The following TMPRSS5 variants were observed in gnomAD, a reference collection of about 807,000 sequenced individuals.
TMPRSS5 encodes transmembrane protease serine 5.
Under a neutral mutation model 59.7 loss-of-function variants are expected in TMPRSS5, and 45 were observed. The observed-to-expected ratio is 0.75, with a 90% CI of 0.59 to 0.97. TMPRSS5 has a LOEUF of 0.97. TMPRSS5 is among the 50% of genes least tolerant of loss of function. The pLI, the probability that TMPRSS5 is intolerant of heterozygous loss-of-function variation, is 0.00. For missense variants in TMPRSS5, 585 were observed against 596.7 expected, an observed-to-expected ratio of 0.98 and a Z score of 0.20; for synonymous variants, 225 against 232.0, an observed-to-expected ratio of 0.97 and a Z score of 0.27.
chr11:113,693,064 GC>G lies in TMPRSS5; in HGVS notation c.964+6del. 1 of 1,537,626 alleles carries G rather than the reference GC, an allele frequency of 6.5e-7. No homozygotes were observed. Among genetic ancestry groups the G allele is most frequent in the Non-Finnish European group, 8.8e-7 (1 of 1,137,536 alleles). On this transcript the variant is annotated splice_donor_region_variant and intron_variant, in intron 9 of 12. Coordinates refer to ENST00000299882, the MANE Select transcript of TMPRSS5 (RefSeq NM_030770.4). ...CCAGCCTGCCCACCCTCAAGCCAGT[GC>G]CGCACCTGAGAAGTTGAGAGCGGTC...
intron 1 of TMPRSS5, among the ~76,000 whole-genome samples, 176 bp downstream of exon 1, chr11:113,706,046 T>C (rs573761423): frequency 9.2e-5 from 14 of 152,234 alleles, no homozygotes; most frequent in Non-Finnish European, 1.6e-4. Flanking sequence ...TAAAGGGCAG[T>C]CCCTGGGGAG....
chr11:113,687,739 C>A lies in TMPRSS5; in HGVS notation c.*521G>T, dbSNP rs17115824. 0.023 allele frequency: 3,518 copies of A among 153,254 alleles called. 136 individuals carry two copies. Among genetic ancestry groups the A allele is most frequent in the African/African-American group, 0.079 (3,278 of 41,552 alleles). 9.5% of individuals were successfully genotyped at this position (153,254 alleles called of 1,614,324 possible). A position where few individuals can be genotyped will look rare whatever the true frequency, so the allele number is the denominator to read the frequency against. ...GGAGAGTGGAGAGGGTCCTGACTCC[C>A]ATAGGCTTCATCTGGGCTGGCCCAG... is the stretch of plus-strand genomic sequence containing the variant. On this transcript the variant is annotated 3_prime_UTR_variant, in exon 13 of 13. Transcript: ENST00000299882.
In TMPRSS5 at chr11:113,696,938, G is replaced by A. The variant is rs775431584; in HGVS notation, c.498C>T (p.Asp166=). The part of the protein sequence containing the change: ...LTHHKGVNLT[D]IKLNSSQEFA... ...ACTCCTGGGAACTGTTGAGTTTGAT[G>A]TCAGTGAGGTTTACTCCCTTGTGGT... The change falls in exon 6 of 13, where the codon GAC becomes GAT. Residue 166 remains aspartate, a synonymous_variant. Transcript: ENST00000299882. The A allele has an allele frequency of 3.2e-6, 5 of 1,580,468 alleles. No homozygotes were observed. Among genetic ancestry groups the A allele is most frequent in the Non-Finnish European group, 4.3e-6 (5 of 1,162,148 alleles).
intron 12 of TMPRSS5, 52 bp downstream of exon 12, chr11:113,689,713 G>A (rs894679316): frequency 8.3e-6 from 13 of 1,565,784 alleles, no homozygotes; most frequent in East Asian, 2.4e-5. Flanking sequence ...CCTTGCATTC[G>A]AGGGCAGGTC....
chr11:113,706,280 C>T lies in TMPRSS5; in HGVS notation c.-56G>A. 1 of 1,586,812 alleles carries T rather than the reference C, an allele frequency of 6.3e-7. No individual in the cohort carries two copies. The highest frequency in any genetic ancestry group is 1.2e-5 in the South Asian group (1 of 86,690). ...GGGTCTACTAGGCAATGTTCCGCTCCTGTTCTCAGGCCAGCATTGATTAAA... is the reference window on the plus strand; with the variant it reads ...GGGTCTACTAGGCAATGTTCCGCTCTTGTTCTCAGGCCAGCATTGATTAAA... On this transcript the variant is annotated 5_prime_UTR_variant, in exon 1 of 13. Coordinates refer to ENST00000299882, the MANE Select transcript of TMPRSS5 (RefSeq NM_030770.4).
chr11:113,700,310 C>T, intron 1 of TMPRSS5, 142 bp from the exon 2 acceptor site: 3 of 821,480 alleles, frequency 3.7e-6, no homozygotes, highest in Non-Finnish European at 5.5e-6. Flanking sequence ...TTGGAGACTC[C>T]CTGTATATTC....
intron 12 of TMPRSS5, among the ~76,000 whole-genome samples, 196 bp downstream of exon 12, chr11:113,689,569 C>T (rs1370920652): frequency 1.3e-5 from 2 of 152,160 alleles, no homozygotes; most frequent in African/African-American, 4.8e-5. Context: ...TACTCTTACC[C>T]AGTTCATCCT....
At chr11:113,706,152 G>T in intron 1 of TMPRSS5, 70 bp downstream of exon 1, 1 of 1,549,656 alleles carries the variant, frequency 6.5e-7, no homozygotes, top group East Asian at 2.4e-5. Context: ...AGAATCCCAA[G>T]GGCAGAGGAG....
intron 1 of TMPRSS5, among the ~76,000 whole-genome samples, 158 bp from the exon 2 acceptor site, chr11:113,700,326 A>G (rs1239806317): frequency 6.6e-6 from 1 of 151,976 alleles, no homozygotes; most frequent in Admixed American, 6.6e-5. Context: ...TATTCCCACA[A>G]ATACCTTGCC....
intron 9 of TMPRSS5, among the ~76,000 whole-genome samples, chr11:113,691,289 C>T (rs928110017): frequency 6.6e-6 from 1 of 152,194 alleles, no homozygotes; most frequent in Non-Finnish European, 1.5e-5. Flanking sequence ...TTTCCAAAAA[C>T]GTGACATATC....
intron 1 of TMPRSS5, among the ~76,000 whole-genome samples, chr11:113,705,321 G>A (rs932275470): frequency 6.6e-6 from 1 of 152,158 alleles, no homozygotes; most frequent in Non-Finnish European, 1.5e-5. Context: ...ACCTAGGTCA[G>A]TCACCTCCAA....
At chr11:113,702,615 G>A (rs1169960165) in intron 1 of TMPRSS5, among the ~76,000 whole-genome samples, 2 of 152,196 alleles carry the variant, frequency 1.3e-5, no homozygotes, top group African/African-American at 2.4e-5. Context: ...TCAGAGACCC[G>A]CAGAGCAGTC....
At chr11:113,692,452 ATG>A (rs1491461587) in intron 9 of TMPRSS5, among the ~76,000 whole-genome samples, 2 of 151,644 alleles carry the variant, frequency 1.3e-5, no homozygotes, top group Admixed American at 1.3e-4. Context: ...GTGTGAGTGC[ATG>A]TGTGTGTGTG....
intron 1 of TMPRSS5, 63 bp from the exon 2 acceptor site, chr11:113,700,231 G>A (rs1296695725): frequency 2.1e-6 from 3 of 1,396,186 alleles, no homozygotes; most frequent in South Asian, 1.5e-5. Flanking sequence ...AGAAGTCACA[G>A]CCCAGTCCAA....
In TMPRSS5 at chr11:113,694,488, A is replaced by G. The variant is rs150763494; in HGVS notation, c.775T>C (p.Cys259Arg). Residue 259 changes from cysteine to arginine, a missense_variant, in exon 8 of 13, where the codon TGT (cysteine) becomes CGT (arginine). By Grantham distance (180) the Cys-to-Arg change is radical. Coordinates refer to ENST00000299882, the MANE Select transcript of TMPRSS5 (RefSeq NM_030770.4). ...APRWVVTAAH[C>R]MHSFRLARLS... ...GCCACAGAGACTTGCCTGTGCATACAATGTGCAGCAGTCACCACCCAGCGT... is the reference window on the plus strand; with the variant it reads ...GCCACAGAGACTTGCCTGTGCATACGATGTGCAGCAGTCACCACCCAGCGT... 4 of 1,565,792 alleles carry G rather than the reference A, an allele frequency of 2.6e-6. No individual in the cohort carries two copies. Among genetic ancestry groups the G allele is most frequent in the Non-Finnish European group, 3.5e-6 (4 of 1,154,626 alleles).
chr11:113,690,764 A>G, intron 10 of TMPRSS5, 77 bp downstream of exon 10: 1 of 1,312,254 alleles, frequency 7.6e-7, no homozygotes. Flanking sequence ...TGGCCAGGGG[A>G]TGTGGCCTTG....
At chr11:113,697,641 T>G (rs1434872650) in intron 4 of TMPRSS5, among the ~76,000 whole-genome samples, 3 of 152,234 alleles carry the variant, frequency 2.0e-5, no homozygotes, top group African/African-American at 7.2e-5. Context: ...CATGTGTTTT[T>G]AAGCGTGGTC....
At chr11:113,692,451 C>CAT (rs369122815) in intron 9 of TMPRSS5, among the ~76,000 whole-genome samples, 182 of 152,208 alleles carry the variant, frequency 1.2e-3, no homozygotes, top group African/African-American at 4.2e-3. Context: ...TGTGTGAGTG[C>CAT]ATGTGTGTGT....
In TMPRSS5 at chr11:113,700,110, C is replaced by A; in HGVS notation, c.62G>T (p.Gly21Val). ...AGGCTCTGCTCTGAAGATCCCAGGT[C>A]CTGGGCCCTCCTCTGCATACTGGGC... is the stretch of plus-strand genomic sequence containing the variant. ...MEAQYAEEGP[G>V]PGIFRAEPGD... The change falls in exon 2 of 13, where the codon GGA (glycine) becomes GTA (valine). Residue 21 changes from glycine (G) to valine (V), a missense_variant. Gly to Val is a moderately radical substitution (Grantham distance 109, BLOSUM62 -3). Transcript: ENST00000299882. 6.3e-7 allele frequency: 1 copy of A among 1,582,834 alleles called. No individual in the cohort carries two copies.
Sources: gnomAD v4.1 joint callset for allele counts (sites outside exome capture counted in the v4.1 genomes callset) on GRCh38, gnomAD v4.1.1 for gene constraint, MANE v1.5 for transcripts, NCBI Gene and HGNC (gene_info 2026-07-23, HGNC 2026-07-21) for gene names.